DTX3: variants seen among roughly 807,000 people sequenced by gnomAD.
DTX3 encodes deltex E3 ubiquitin ligase 3.
A neutral mutation model predicts 27.4 loss-of-function variants in DTX3; 10 were observed. That is an observed-to-expected ratio of 0.36 (90% CI 0.22 to 0.62). DTX3 has a LOEUF of 0.62. DTX3 is among the 20% of genes least tolerant of loss of function. The pLI is 0.68. For missense variants in DTX3, 319 were observed against 463.8 expected (o/e 0.69, Z 2.87); for synonymous variants, 171 against 190.7 (o/e 0.90, Z 0.85).
At position 57,605,611 on chromosome 12, in the gene DTX3, T is replaced by A. The variant is rs1339539744; in HGVS notation, c.-259T>A. ...TTGTGGAGACAGCCCCGTAGCCCAATGCGACCAGACTCAGGGAAAACATCA... is the reference window on the plus strand; with the variant it reads ...TTGTGGAGACAGCCCCGTAGCCCAAAGCGACCAGACTCAGGGAAAACATCA... On this transcript the variant is annotated 5_prime_UTR_variant, in exon 2 of 7. An upstream start codon of the reference 5' UTR is lost. Coordinates refer to ENST00000337737, the MANE Select transcript of DTX3 (RefSeq NM_178502.4). The A allele has an allele frequency of 1.3e-5, 2 of 152,164 alleles. No individual in the cohort carries two copies. Among genetic ancestry groups the A allele is most frequent in the Non-Finnish European group, 2.9e-5 (2 of 68,056 alleles). 9.4% of individuals were successfully genotyped at this position (152,164 alleles called of 1,614,324 possible). A position where few individuals can be genotyped will look rare whatever the true frequency, so the allele number is the denominator to read the frequency against.
Position 57,608,859 on chromosome 12 carries a change from C to G in DTX3, c.968+122C>G. The stretch of plus-strand genomic sequence containing the variant: ...TGGAGAGAACCACTTCCAAACTGTT[C>G]AGCCATCTCAGTTTCTCCTACATTC... On this transcript the variant is annotated intron_variant, in intron 6 of 6. Coordinates refer to ENST00000337737, the MANE Select transcript of DTX3 (RefSeq NM_178502.4). This position sits in a 1 kb window ranked among gnomAD's most constrained non-coding sequence, Gnocchi z 6.1. The G allele has an allele frequency of 8.0e-7, 1 of 1,248,376 alleles. No individual in the cohort carries two copies. Among genetic ancestry groups the G allele is most frequent in the African/African-American group, 1.5e-5 (1 of 67,030 alleles). The allele number at this position is 1,248,376 out of a possible 1,614,324, so 77.3% of individuals were successfully genotyped here.
chr12:57,606,145 G>T, intron 2 of DTX3, 45 bp from the exon 3 acceptor site: 1 of 216,740 alleles, frequency 4.6e-6, no homozygotes, highest in Admixed American at 5.7e-5. Context: ...TGAGGGGAAT[G>T]GTAACATTTG....
Position 57,608,606 on chromosome 12 carries a change from G to C in DTX3, c.837G>C (p.Leu279=), listed in dbSNP as rs759767957. ...ACTGCCCTGAGGGCAACAAGGTGCT[G>C]ACCCTGTTCCGCAAGGCGTTTGACC... ...LPDCPEGNKV[L]TLFRKAFDQR... The change falls in exon 6 of 7, where the codon CTG becomes CTC. Residue 279 remains leucine, a synonymous_variant. Transcript: ENST00000337737. This position sits in a 1 kb window ranked among gnomAD's most constrained non-coding sequence, Gnocchi z 6.1. The C allele has an allele frequency of 6.2e-7, 1 of 1,614,220 alleles. No homozygotes were observed. The highest frequency in any genetic ancestry group is 1.3e-5 in the African/African-American group (1 of 75,062).
chr12:57,608,425 C>A lies in DTX3; in HGVS notation c.751-95C>A. On this transcript the variant is annotated intron_variant, in intron 5 of 6. Coordinates refer to ENST00000337737, the MANE Select transcript of DTX3 (RefSeq NM_178502.4). This position sits in a 1 kb window ranked among gnomAD's most constrained non-coding sequence, Gnocchi z 6.1. Reference sequence around the variant, plus strand: ...GCCCCGTTCGCATTAGCTGGGGGTGCTCAGACAGAGACTAGCCTGGATGAC... The same window carrying A: ...GCCCCGTTCGCATTAGCTGGGGGTGATCAGACAGAGACTAGCCTGGATGAC... 8.6e-7 allele frequency: 1 copy of A among 1,157,824 alleles called. No individual in the cohort carries two copies. 71.7% of individuals were successfully genotyped at this position (1,157,824 alleles called of 1,614,324 possible). A position where few individuals can be genotyped will look rare whatever the true frequency, so the allele number is the denominator to read the frequency against.
At position 57,608,815 on chromosome 12, in the gene DTX3, G is replaced by C. The variant is rs751111678; in HGVS notation, c.968+78G>C. On this transcript the variant is annotated intron_variant, in intron 6 of 6. Coordinates refer to ENST00000337737, the MANE Select transcript of DTX3 (RefSeq NM_178502.4). This position sits in a 1 kb window ranked among gnomAD's most constrained non-coding sequence, Gnocchi z 6.1. ...CCACTGAGGGACCCACCAACCCCTC[G>C]CTCACGGAGCCTCCTAACTGGAGAG... is the stretch of plus-strand genomic sequence containing the variant. The C allele has an allele frequency of 1.3e-6, 2 of 1,506,474 alleles. No individual in the cohort carries two copies. Among genetic ancestry groups the C allele is most frequent in the East Asian group, 2.4e-5 (1 of 41,926 alleles). 93.3% of individuals were successfully genotyped at this position (1,506,474 alleles called of 1,614,324 possible). A position where few individuals can be genotyped will look rare whatever the true frequency, so the allele number is the denominator to read the frequency against.
Position 57,606,177 on chromosome 12 carries a change from C to A in DTX3, c.-138-13C>A, listed in dbSNP as rs1883709162. ...TTTGCCATCATAACTTTTTACCCTT[C>A]CCCCACTCCCAGTCCTGGTCAGCTG... On this transcript the variant is annotated splice_polypyrimidine_tract_variant and intron_variant, in intron 2 of 6. Transcript: ENST00000337737. 7.0e-6 allele frequency: 2 copies of A among 287,236 alleles called. No individual in the cohort carries two copies. Among genetic ancestry groups the A allele is most frequent in the Non-Finnish European group, 1.3e-5 (2 of 155,726 alleles). 17.8% of individuals were successfully genotyped at this position (287,236 alleles called of 1,614,324 possible). A position where few individuals can be genotyped will look rare whatever the true frequency, so the allele number is the denominator to read the frequency against.
intron 6 of DTX3, 69 bp from the exon 7 acceptor site, chr12:57,609,008 G>A: frequency 2.1e-6 from 3 of 1,435,034 alleles, no homozygotes; most frequent in East Asian, 2.3e-5. Context: ...CTAGAATGAG[G>A]GTGAGCATGG....
At position 57,607,156 on chromosome 12, in the gene DTX3, G is replaced by A; in HGVS notation, c.293G>A (p.Arg98Lys). 6.2e-7 allele frequency: 1 copy of A among 1,614,072 alleles called. No individual in the cohort carries two copies. The highest frequency in any genetic ancestry group is 8.5e-7 in the Non-Finnish European group (1 of 1,180,030). Reference protein sequence around the residue: ...EAEKELKKAQRQGELMGCLAL... With the variant: ...EAEKELKKAQKQGELMGCLAL... ...GAGAAAGAGCTGAAGAAAGCTCAGA[G>A]GCAGGGGGAGCTGATGGGCTGCCTG... Residue 98 changes from arginine to lysine, a missense_variant, in exon 5 of 7, where the codon AGG becomes AAG. Arg to Lys is a conservative substitution (Grantham distance 26, BLOSUM62 2). Coordinates refer to ENST00000337737, the MANE Select transcript of DTX3 (RefSeq NM_178502.4). The surrounding 1 kb of genome is among the most constrained non-coding windows in gnomAD (Gnocchi z 7.7).
rs1883893274 is a variant in DTX3, at chr12:57,609,069, G to C, written c.969-8G>C. ...ACAACCCTCACCCTCATTTCTCTTTGCTCCCAGGTTTGGGTACCCAGACCC... is the reference window on the plus strand; with the variant it reads ...ACAACCCTCACCCTCATTTCTCTTTCCTCCCAGGTTTGGGTACCCAGACCC... On this transcript the variant is annotated splice_region_variant and splice_polypyrimidine_tract_variant and intron_variant, in intron 6 of 6. Transcript: ENST00000337737. 6.2e-7 allele frequency: 1 copy of C among 1,613,550 alleles called. No individual in the cohort carries two copies. Among genetic ancestry groups the C allele is most frequent in the Admixed American group, 1.7e-5 (1 of 59,984 alleles).
intron 2 of DTX3, chr12:57,605,975 T>TAC (rs1883701334): frequency 6.5e-6 from 1 of 152,860 alleles, no homozygotes; most frequent in Non-Finnish European, 1.5e-5. Flanking sequence ...TGACTTCTCT[T>TAC]ATGTGTGCCC....
chr12:57,609,398 G>T lies in DTX3; in HGVS notation c.*246G>T. ...TCCAAGGCTCTGTTCTCCCCTCCCCGTGTACATATACTCCCGGTTTCCCTG... is the reference window on the plus strand; with the variant it reads ...TCCAAGGCTCTGTTCTCCCCTCCCCTTGTACATATACTCCCGGTTTCCCTG... On this transcript the variant is annotated 3_prime_UTR_variant, in exon 7 of 7. Coordinates refer to ENST00000337737, the MANE Select transcript of DTX3 (RefSeq NM_178502.4). 1 of 538,620 alleles carries T rather than the reference G, an allele frequency of 1.9e-6. No homozygotes were observed. The allele number at this position is 538,620 out of a possible 1,614,324, so 33.4% of individuals were successfully genotyped here. A position where few individuals can be genotyped will look rare whatever the true frequency, so the allele number is the denominator to read the frequency against.
In DTX3 at chr12:57,609,263, T is replaced by G. The variant is rs1330722666; in HGVS notation, c.*111T>G. ...CCACACCACACCTGTAGGGGACCTG[T>G]CTGACTGGGAAGGGAGTTCCGAGAG... is the stretch of plus-strand genomic sequence containing the variant. On this transcript the variant is annotated 3_prime_UTR_variant, in exon 7 of 7. Coordinates refer to ENST00000337737, the MANE Select transcript of DTX3 (RefSeq NM_178502.4). 3.1e-6 allele frequency: 3 copies of G among 977,596 alleles called. No individual in the cohort carries two copies. In the African/African-American group the frequency reaches 4.8e-5, roughly 16 times the overall value. The allele number at this position is 977,596 out of a possible 1,614,324, so 60.6% of individuals were successfully genotyped here. A position where few individuals can be genotyped will look rare whatever the true frequency, so the allele number is the denominator to read the frequency against.
At chr12:57,606,280 T>G (rs1883714302) in intron 3 of DTX3, 28 bp downstream of exon 3, 1 of 553,272 alleles carries the variant, frequency 1.8e-6, no homozygotes, top group African/African-American at 2.0e-5. Context: ...GATCCTCAAT[T>G]TTCACCCTTA....
At position 57,606,449 on chromosome 12, in the gene DTX3, C is replaced by A; in HGVS notation, c.-69C>A. On this transcript the variant is annotated 5_prime_UTR_variant, in exon 4 of 7. Coordinates refer to ENST00000337737, the MANE Select transcript of DTX3 (RefSeq NM_178502.4). ...CATTTTTCCGCCCTACCAGGTCACA[C>A]GACCTACAAGTAGGGAGCAGGGAAA... The A allele has an allele frequency of 6.2e-7, 1 of 1,610,812 alleles. No homozygotes were observed. The highest frequency in any genetic ancestry group is 8.5e-7 in the Non-Finnish European group (1 of 1,178,764).
At chr12:57,606,688 G>T in intron 4 of DTX3, 170 bp downstream of exon 4, 4 of 1,346,844 alleles carry the variant, frequency 3.0e-6, no homozygotes, top group Non-Finnish European at 4.1e-6. Context: ...TTGCTCTTCA[G>T]TGGGTTTTGG....
In DTX3 at chr12:57,608,353, GAGGCCGTATAA is replaced by G. The variant is rs1166611823; in HGVS notation, c.751-166_751-156del. Among the ~76,000 whole-genome samples the G allele has an allele frequency of 3.9e-5, 6 of 152,122 alleles. No homozygotes were observed. Among genetic ancestry groups the G allele is most frequent in the Non-Finnish European group, 8.8e-5 (6 of 68,016 alleles). On this transcript the variant is annotated intron_variant, in intron 5 of 6. Coordinates refer to ENST00000337737, the MANE Select transcript of DTX3 (RefSeq NM_178502.4). This position sits in a 1 kb window ranked among gnomAD's most constrained non-coding sequence, Gnocchi z 6.1. ...TGCTCTGAAACAGGCTCTTGCTGCCGAGGCCGTATAATCTCTCCTTCTGTGGAAAGCTGTCA... is the reference window on the plus strand; with the variant it reads ...TGCTCTGAAACAGGCTCTTGCTGCCGTCTCTCCTTCTGTGGAAAGCTGTCA...
Position 57,608,630 on chromosome 12 carries a change from C to T in DTX3, c.861C>T (p.Asp287=). Residue 287 remains aspartate, a synonymous_variant, in exon 6 of 7, where the codon GAC becomes GAT. Coordinates refer to ENST00000337737, the MANE Select transcript of DTX3 (RefSeq NM_178502.4). The surrounding 1 kb of genome is among the most constrained non-coding windows in gnomAD (Gnocchi z 6.1). Reference sequence around the variant, plus strand: ...TGACCCTGTTCCGCAAGGCGTTTGACCAGCGTCTCACCTTCACTATCGGCA... The same window carrying T: ...TGACCCTGTTCCGCAAGGCGTTTGATCAGCGTCTCACCTTCACTATCGGCA... ...KVLTLFRKAF[D]QRLTFTIGTS... 6.2e-7 allele frequency: 1 copy of T among 1,614,222 alleles called. No individual in the cohort carries two copies. Among genetic ancestry groups the T allele is most frequent in the Non-Finnish European group, 8.5e-7 (1 of 1,180,028 alleles).
At position 57,608,612 on chromosome 12, in the gene DTX3, G is replaced by T. The variant is rs372671833; in HGVS notation, c.843G>T (p.Leu281=). 6.2e-7 allele frequency: 1 copy of T among 1,614,212 alleles called. No homozygotes were observed. The highest frequency in any genetic ancestry group is 1.3e-5 in the African/African-American group (1 of 75,048). The change falls in exon 6 of 7, where the codon CTG becomes CTT. Residue 281 remains leucine (L), a synonymous_variant. Coordinates refer to ENST00000337737, the MANE Select transcript of DTX3 (RefSeq NM_178502.4). The surrounding 1 kb of genome is among the most constrained non-coding windows in gnomAD (Gnocchi z 6.1). ...DCPEGNKVLT[L]FRKAFDQRLT... is the part of the protein sequence containing the mutation. ...CTGAGGGCAACAAGGTGCTGACCCT[G>T]TTCCGCAAGGCGTTTGACCAGCGTC...
Position 57,606,987 on chromosome 12 carries a change from G to A in DTX3, c.124G>A (p.Glu42Lys). 1 of 1,614,218 alleles carries A rather than the reference G, an allele frequency of 6.2e-7. No individual in the cohort carries two copies. The highest frequency in any genetic ancestry group is 8.5e-7 in the Non-Finnish European group (1 of 1,180,050). The part of the protein sequence containing the change: ...ETPARLARLR[E>K]EHRVSILIDG... ...CCCAGCCCGGCTGGCCCGGCTTCGGGAGGAGCACCGTGTGTCCATCCTCAT... is the reference window on the plus strand; with the variant it reads ...CCCAGCCCGGCTGGCCCGGCTTCGGAAGGAGCACCGTGTGTCCATCCTCAT... Residue 42 changes from glutamate to lysine, a missense_variant, in exon 5 of 7, where the codon GAG becomes AAG. By Grantham distance (56) the Glu-to-Lys change is moderately conservative. This residue lies in a region of DTX3 where 202 missense variants were observed against 205.3 expected (regional missense o/e 0.98). Coordinates refer to ENST00000337737, the MANE Select transcript of DTX3 (RefSeq NM_178502.4).
Sources: allele counts gnomAD v4.1 joint callset (sites outside exome capture counted in the v4.1 genomes callset), GRCh38; gene constraint gnomAD v4.1.1; regional missense constraint gnomAD v4.1.1; non-coding constraint Gnocchi (gnomAD v3.1); transcripts MANE v1.5; gene names NCBI Gene and HGNC (gene_info 2026-07-23, HGNC 2026-07-21).